Variants in PCSK5 observed in about 807,000 individuals in gnomAD.
PCSK5 encodes prohormone convertase 5.
In PCSK5, 129 loss-of-function variants were observed where a neutral mutation model predicts 233.2. The ratio of observed to expected loss-of-function variants is 0.55; its 90% CI spans 0.48 to 0.64. The LOEUF is 0.64. PCSK5 is among the 30% of genes least tolerant of loss of function. The pLI, the probability that PCSK5 is intolerant of heterozygous loss-of-function variation, is 0.00. For synonymous variants in PCSK5, 825 were observed against 879.2 expected, an observed-to-expected ratio of 0.94 and a Z score of 1.09; for missense variants, 2,076 against 2,430.1, an observed-to-expected ratio of 0.85 and a Z score of 3.06.
At chr9:76,204,252 C>T (rs1370886811) in intron 20 of PCSK5, among the ~76,000 whole-genome samples, 2 of 152,112 alleles carry the variant, frequency 1.3e-5, no homozygotes, top group Non-Finnish European at 2.9e-5. Context: ...CCCAGAAGCA[C>T]TCTGTGAATC....
chr9:75,929,959 T>G (rs908968725), intron 1 of PCSK5, among the ~76,000 whole-genome samples: 9 of 151,828 alleles, frequency 5.9e-5, no homozygotes, highest in Non-Finnish European at 1.3e-4. Flanking sequence ...GCCTCCCAGA[T>G]TCAAGTGATT....
intron 24 of PCSK5, among the ~76,000 whole-genome samples, chr9:76,251,859 G>C (rs1826817709): frequency 1.3e-5 from 2 of 152,002 alleles, no homozygotes; most frequent in African/African-American, 4.8e-5. Flanking sequence ...ATCAGGACTT[G>C]ACCCTGAATA....
intron 24 of PCSK5, among the ~76,000 whole-genome samples, chr9:76,285,653 A>C (rs1828039461): frequency 6.6e-6 from 1 of 152,150 alleles, no homozygotes; most frequent in Admixed American, 6.5e-5. Context: ...TTACCCCCCC[A>C]CCACCAGTTT....
chr9:76,127,643 C>T (rs1028504278), intron 9 of PCSK5, among the ~76,000 whole-genome samples: 2 of 152,212 alleles, frequency 1.3e-5, no homozygotes, highest in African/African-American at 4.8e-5. Context: ...AGGAACATTG[C>T]AGAAAACTTA....
chr9:75,987,608 ATCCCAAACAGAAT>A, intron 3 of PCSK5, among the ~76,000 whole-genome samples: 1 of 152,104 alleles, frequency 6.6e-6, no homozygotes, highest in Non-Finnish European at 1.5e-5. Flanking sequence ...AATATTTTGG[ATCCCAAACAGAAT>A]TTTACACAGA....
chr9:76,335,312 G>C (rs1159328162), intron 34 of PCSK5, among the ~76,000 whole-genome samples: 1 of 152,180 alleles, frequency 6.6e-6, no homozygotes, highest in Admixed American at 6.5e-5. Context: ...GGGCTGGTGG[G>C]GGGAGGCACA....
At position 76,221,363 on chromosome 9, in the gene PCSK5, A is replaced by T. The variant is rs534061158; in HGVS notation, c.2627-6140A>T. ...AAGCTACTTGGAACACTAAAGGGGG[A>T]AATGAATCCATACCAGCAAATATCG... On this transcript the variant is annotated intron_variant, in intron 20 of 37. Coordinates refer to ENST00000674117, the MANE Select transcript of PCSK5 (RefSeq NM_001372043.1). Among the ~76,000 whole-genome samples, 3 of 152,276 alleles carry T rather than the reference A, an allele frequency of 2.0e-5. No individual in the cohort carries two copies. The South Asian group carries it at 6.2e-4, about 32-fold the overall frequency.
chr9:76,182,940 A>C (rs1054503501), intron 16 of PCSK5, among the ~76,000 whole-genome samples: 1 of 152,216 alleles, frequency 6.6e-6, no homozygotes, highest in African/African-American at 2.4e-5. Flanking sequence ...GGTTTCAAAG[A>C]GGAGCATTTC....
chr9:76,102,066 A>G (rs1398779166), intron 8 of PCSK5, among the ~76,000 whole-genome samples: 1 of 152,212 alleles, frequency 6.6e-6, no homozygotes, highest in African/African-American at 2.4e-5. Context: ...TGCTTCTGAA[A>G]AGGTCTCATT....
intron 5 of PCSK5, among the ~76,000 whole-genome samples, chr9:76,050,170 G>T (rs1419767052): frequency 1.2e-4 from 19 of 152,120 alleles, no homozygotes; most frequent in Admixed American, 1.2e-3. Flanking sequence ...GATGGAAGTA[G>T]TCTCATTAGG....
At chr9:76,357,420 G>A (rs921095615) in intron 37 of PCSK5, among the ~76,000 whole-genome samples, 1 of 152,256 alleles carries the variant, frequency 6.6e-6, no homozygotes, top group South Asian at 2.1e-4. Context: ...AGGAGGCTAA[G>A]GCATGAGAAT....
chr9:76,258,147 G>A (rs1267944387), intron 24 of PCSK5, among the ~76,000 whole-genome samples: 4 of 152,130 alleles, frequency 2.6e-5, no homozygotes, highest in Admixed American at 2.0e-4. Flanking sequence ...TATCTCCAGA[G>A]GGGTAGGTGG....
At chr9:76,321,393 T>C in intron 30 of PCSK5, 29 bp from the exon 31 acceptor site, 1 of 1,223,896 alleles carries the variant, frequency 8.2e-7, no homozygotes. Context: ...GGTCAGCTTC[T>C]CCAGTTGCAC....
At chr9:76,086,978 C>T (rs184497561) in intron 7 of PCSK5, among the ~76,000 whole-genome samples, 122 of 152,240 alleles carry the variant, frequency 8.0e-4, no homozygotes, top group Admixed American at 3.1e-3. Flanking sequence ...TATTTATTTC[C>T]ATTGGTAAAC....
intron 7 of PCSK5, among the ~76,000 whole-genome samples, chr9:76,094,745 G>A (rs947153357): frequency 5.9e-5 from 9 of 152,050 alleles, no homozygotes; most frequent in Admixed American, 1.3e-4. Context: ...GAGTAGCTGG[G>A]ATTACAGGTG....
At chr9:75,964,523 G>A (rs1054808994) in intron 2 of PCSK5, among the ~76,000 whole-genome samples, 10 of 152,122 alleles carry the variant, frequency 6.6e-5, no homozygotes, top group Non-Finnish European at 1.0e-4. Flanking sequence ...TGCCAACAAC[G>A]CAGTGAGTTA....
At chr9:76,145,816 C>G (rs1823421218) in intron 10 of PCSK5, among the ~76,000 whole-genome samples, 1 of 152,170 alleles carries the variant, frequency 6.6e-6, no homozygotes, top group African/African-American at 2.4e-5. Flanking sequence ...TTAGCCTATC[C>G]TATTTTGTTA....
chr9:76,356,055 C>G (rs1830295011), intron 37 of PCSK5, among the ~76,000 whole-genome samples: 1 of 152,150 alleles, frequency 6.6e-6, no homozygotes, highest in African/African-American at 2.4e-5. Flanking sequence ...AAAACGTTTT[C>G]CTTCTTTCAG....
intron 32 of PCSK5, among the ~76,000 whole-genome samples, chr9:76,325,610 C>T (rs1299756622): frequency 6.6e-6 from 1 of 151,980 alleles, no homozygotes; most frequent in African/African-American, 2.4e-5. Context: ...TGGAAACTCA[C>T]TTGAGGTGTC....
Sources: gnomAD v4.1 joint callset for allele counts (sites outside exome capture counted in the v4.1 genomes callset) on GRCh38, gnomAD v4.1.1 for gene constraint, MANE v1.5 for transcripts, NCBI Gene and HGNC (gene_info 2026-07-23, HGNC 2026-07-21) for gene names.